Variants in PRRT4 observed in about 807,000 individuals in gnomAD.
PRRT4 encodes the protein proline rich transmembrane protein 4.
A neutral mutation model predicts 55.6 loss-of-function variants in PRRT4; 59 were observed. The observed-to-expected ratio is 1.06, with a 90% CI of 0.86 to 1.32. The LOEUF is 1.32. PRRT4 is among the 40% of genes most tolerant of loss of function. The pLI, the probability that PRRT4 is intolerant of heterozygous loss-of-function variation, is 0.00. For missense variants in PRRT4, 1,217 were observed against 1,222.0 expected (o/e 1.00, Z 0.06); for synonymous variants, 606 against 601.8 (o/e 1.01, Z -0.10).
exon 5 of PRRT4, chr7:128,351,240 C>T (rs1331078203): frequency 6.5e-7 from 1 of 1,539,732 alleles, no homozygotes; most frequent in Admixed American, 2.0e-5. Flanking sequence ...TCTCACTGGC[C>T]CTGCCCCCGG....
chr7:128,359,419 C>T (rs1448577750), exon 2 of PRRT4: 11 of 1,465,392 alleles, frequency 7.5e-6, no homozygotes, highest in Admixed American at 5.6e-5. Flanking sequence ...GATGCCCAAG[C>T]GTGGGGGCTG....
At position 128,359,782 on chromosome 7, in the gene PRRT4, T is replaced by C. The variant is rs1464359973; in HGVS notation, c.210A>G (p.Pro70=). Residue 70 remains proline, a synonymous_variant, in exon 2 of 5, where the codon CCA becomes CCG. Transcript: ENST00000535159. ...GAGAGAGTGGCTGGGTCTCTGTGAC[T>C]GGGCTCCCCCAGACAGCAGCAGGTC... The C allele has an allele frequency of 2.6e-6, 4 of 1,541,560 alleles. No individual in the cohort carries two copies. In the South Asian group the frequency reaches 4.8e-5, roughly 19 times the overall value.
At chr7:128,351,847 A>G in exon 5 of PRRT4, 10 of 1,356,136 alleles carry the variant, frequency 7.4e-6, no homozygotes, top group Non-Finnish European at 9.4e-6. Flanking sequence ...GGCTCCGCTC[A>G]GCAGCCCGAA....
At chr7:128,359,896 G>T (rs1294149143) in exon 2 of PRRT4, 15 of 1,464,620 alleles carry the variant, frequency 1.0e-5, no homozygotes, top group Admixed American at 2.6e-5. Flanking sequence ...TGGTGGCAGG[G>T]GCACCTGGGA....
exon 2 of PRRT4, chr7:128,359,490 C>T: frequency 2.0e-6 from 3 of 1,464,042 alleles, no homozygotes; most frequent in Non-Finnish European, 1.8e-6. Context: ...GGCCTGGGAG[C>T]ACTGGATGGA....
chr7:128,359,581 C>A, exon 2 of PRRT4: 1 of 1,504,760 alleles, frequency 6.6e-7, no homozygotes, highest in Non-Finnish European at 8.9e-7. Context: ...CATCGCTGGG[C>A]CCAGAGCGCC....
At chr7:128,351,072 G>A in exon 5 of PRRT4, 1 of 1,549,150 alleles carries the variant, frequency 6.5e-7, no homozygotes, top group Non-Finnish European at 8.7e-7. Flanking sequence ...AGACCAGAGG[G>A]CAGCGCGGGG....
downstream of PRRT4, chr7:128,350,831 G>T: frequency 6.5e-7 from 1 of 1,547,880 alleles, no homozygotes. Context: ...GGGGCATATC[G>T]CAGGGTAGCA....
exon 5 of PRRT4, chr7:128,351,602 C>T: frequency 1.3e-6 from 2 of 1,505,950 alleles, no homozygotes; most frequent in Non-Finnish European, 1.8e-6. Context: ...GTGACCCAGC[C>T]TCCCGGCAGC....
chr7:128,358,579 T>C lies in PRRT4; in HGVS notation c.877+102A>G, dbSNP rs112317161. ...ATGAAGAGAATGATGATTATGATTA[T>C]GATGACAATGAAATAAAAGGGTCCC... On this transcript the variant is annotated intron_variant, in intron 4 of 4. Transcript: ENST00000535159. The surrounding 1 kb of genome is among the most constrained non-coding windows in gnomAD (Gnocchi z 4.4). 929 of 973,898 alleles carry C rather than the reference T, an allele frequency of 9.5e-4. 8 individuals carry two copies. The African/African-American group carries it at 0.013, about 13-fold the overall frequency. The allele number at this position is 973,898 out of a possible 1,614,324, so 60.3% of individuals were successfully genotyped here. A position where few individuals can be genotyped will look rare whatever the true frequency, so the allele number is the denominator to read the frequency against.
chr7:128,352,415 C>G (rs1258959411), exon 5 of PRRT4: 1 of 1,537,250 alleles, frequency 6.5e-7, no homozygotes, highest in Admixed American at 2.0e-5. Flanking sequence ...GCCAGCAGCG[C>G]CAGCAAGGCA....
chr7:128,351,812 C>A, exon 5 of PRRT4: 2 of 1,415,058 alleles, frequency 1.4e-6, no homozygotes, highest in Non-Finnish European at 9.1e-7. Context: ...TAGCCCAGGG[C>A]GTGCAGCACC....
At chr7:128,355,691 A>C (rs1050552565) in intron 4 of PRRT4, among the ~76,000 whole-genome samples, 5 of 152,108 alleles carry the variant, frequency 3.3e-5, no homozygotes, top group African/African-American at 9.7e-5. Flanking sequence ...TGCCCAACCC[A>C]CTTCCTCTGC....
intron 4 of PRRT4, among the ~76,000 whole-genome samples, chr7:128,356,426 G>A (rs1055790926): frequency 1.3e-5 from 2 of 152,032 alleles, no homozygotes; most frequent in Non-Finnish European, 2.9e-5. Flanking sequence ...GGGACAGGTG[G>A]AAAAAAAACC....
intron 1 of PRRT4, chr7:128,361,407 A>G (rs111842581): frequency 0.04 from 6,147 of 152,236 alleles, 164 homozygotes; most frequent in Middle Eastern, 0.078. Context: ...GCTTCGTGGT[A>G]TCTCACCGCT....
chr7:128,359,395 C>T, exon 2 of PRRT4: 1 of 1,466,502 alleles, frequency 6.8e-7, no homozygotes, highest in South Asian at 1.5e-5. Context: ...GGCTGGGCAG[C>T]AGGGGCAGCG....
chr7:128,352,342 A>T (rs1436643369), exon 5 of PRRT4: 5 of 1,540,196 alleles, frequency 3.2e-6, no homozygotes, highest in Non-Finnish European at 4.4e-6. Context: ...CGACAGCAGC[A>T]GCAGGTCCAG....
At chr7:128,352,195 A>G in exon 5 of PRRT4, 1 of 1,489,214 alleles carries the variant, frequency 6.7e-7, no homozygotes, top group Non-Finnish European at 8.9e-7. Context: ...CCGGGCCAGC[A>G]GCAGGCAGGC....
At chr7:128,360,764 G>A (rs2116506414) in intron 1 of PRRT4, among the ~76,000 whole-genome samples, 1 of 152,232 alleles carries the variant, frequency 6.6e-6, no homozygotes, top group South Asian at 2.1e-4. Context: ...GCTTCCTGGA[G>A]GAGAACGCCA....
Sources: allele counts gnomAD v4.1 joint callset (sites outside exome capture counted in the v4.1 genomes callset), GRCh38; gene constraint gnomAD v4.1.1; non-coding constraint Gnocchi (gnomAD v3.1); transcripts MANE v1.5; gene names NCBI Gene and HGNC (gene_info 2026-07-23, HGNC 2026-07-21).